OSBPL6: variants seen among roughly 807,000 people sequenced by gnomAD.
OSBPL6 encodes oxysterol-binding protein-related protein 6.
OSBPL6 carries 49 observed loss-of-function variants against 125.8 expected under a neutral mutation model. That is an observed-to-expected ratio of 0.39 (90% confidence interval 0.31 to 0.49). The LOEUF is 0.49. Among genes scored for constraint, OSBPL6 ranks in the 20% least tolerant of loss-of-function variants. The probability of loss-of-function intolerance (pLI) is 0.88; values close to 1 mark genes in which losing one functional copy is unlikely to be tolerated. For missense variants in OSBPL6, 986 were observed against 1,135.4 expected, an observed-to-expected ratio of 0.87 and a Z score of 1.89; for synonymous variants, 394 against 391.8, an observed-to-expected ratio of 1.01 and a Z score of -0.07.
At chr2:178,356,111 A>G (rs926782661) in intron 12 of OSBPL6, among the ~76,000 whole-genome samples, 31 of 152,218 alleles carry the variant, frequency 2.0e-4, no homozygotes, top group Admixed American at 1.8e-3. Context: ...TCTATTTATG[A>G]CAAATTCACA....
rs75129831 is a variant in OSBPL6 at position 178,290,929 on chromosome 2, G to C, written c.-156+5808G>C. The stretch of plus-strand genomic sequence containing the variant: ...GTCTTAATTTTTTAATTTTATATTT[G>C]TATCTTTTTTCTTTTACATTGAAAC... On this transcript the variant is annotated intron_variant, in intron 2 of 24. Transcript: ENST00000190611. Among the ~76,000 whole-genome samples, 1,117 of 151,812 alleles carry C rather than the reference G, an allele frequency of 7.4e-3. 7 individuals are homozygous for C. The highest frequency in any genetic ancestry group is 0.025 in the African/African-American group (1,035 of 41,424).
intron 1 of OSBPL6, among the ~76,000 whole-genome samples, chr2:178,243,409 G>A (rs1037399752): frequency 1.7e-4 from 26 of 152,066 alleles, no homozygotes; most frequent in Admixed American, 6.6e-5. Context: ...TCCCCTACTT[G>A]CCAACTAAGC....
chr2:178,361,875 G>T, intron 13 of OSBPL6, 60 bp downstream of exon 13: 1 of 1,591,486 alleles, frequency 6.3e-7, no homozygotes, highest in East Asian at 2.3e-5. Context: ...TAAGATGAAA[G>T]ATCAAAAGAT....
intron 20 of OSBPL6, 96 bp from the exon 21 acceptor site, chr2:178,388,913 A>G (rs1695170955): frequency 7.6e-7 from 1 of 1,313,330 alleles, no homozygotes; most frequent in Non-Finnish European, 1.0e-6. Flanking sequence ...AATGAGGGAA[A>G]AGGAAGCTTT....
At chr2:178,305,659 A>G (rs1310123783) in intron 2 of OSBPL6, among the ~76,000 whole-genome samples, 1 of 152,256 alleles carries the variant, frequency 6.6e-6, no homozygotes, top group East Asian at 1.9e-4. Context: ...AACTGAAGAC[A>G]AACATGGACC....
intron 11 of OSBPL6, among the ~76,000 whole-genome samples, chr2:178,347,318 C>T (rs573657974): frequency 6.6e-6 from 1 of 152,240 alleles, no homozygotes; most frequent in African/African-American, 2.4e-5. Flanking sequence ...CCATGATCCT[C>T]AACATATTAC....
chr2:178,388,472 C>T (rs1305725621), intron 20 of OSBPL6, among the ~76,000 whole-genome samples: 3 of 152,126 alleles, frequency 2.0e-5, no homozygotes, highest in Non-Finnish European at 4.4e-5. Context: ...TCCTGCCTTG[C>T]GTCCTGCCAC....
At chr2:178,325,035 G>C (rs1688575824) in intron 4 of OSBPL6, among the ~76,000 whole-genome samples, 1 of 152,200 alleles carries the variant, frequency 6.6e-6, no homozygotes, top group African/African-American at 2.4e-5. Flanking sequence ...ATGGGAGCCA[G>C]TGTTCCCTCC....
At chr2:178,304,112 GTC>G (rs1201255165) in intron 2 of OSBPL6, among the ~76,000 whole-genome samples, 2 of 152,172 alleles carry the variant, frequency 1.3e-5, no homozygotes, top group Non-Finnish European at 2.9e-5. Flanking sequence ...TTAGGGCCCT[GTC>G]TCTCTGCTCC....
intron 1 of OSBPL6, among the ~76,000 whole-genome samples, chr2:178,263,413 G>T (rs944856286): frequency 3.9e-5 from 6 of 152,218 alleles, no homozygotes; most frequent in Non-Finnish European, 8.8e-5. Context: ...GGAAGGCGGA[G>T]GTTGCAGTGA....
chr2:178,297,451 A>T (rs1685859030), intron 2 of OSBPL6, among the ~76,000 whole-genome samples: 1 of 152,196 alleles, frequency 6.6e-6, no homozygotes, highest in African/African-American at 2.4e-5. Context: ...TAGAAAAGAA[A>T]AAGAACTAAT....
At chr2:178,366,525 A>G (rs1692845186) in intron 13 of OSBPL6, among the ~76,000 whole-genome samples, 1 of 151,996 alleles carries the variant, frequency 6.6e-6, no homozygotes, top group Non-Finnish European at 1.5e-5. Context: ...TGAGAAAAGG[A>G]AAAAAAACAC....
upstream of OSBPL6, chr2:178,194,498 T>TCAC (rs1553516741): frequency 1.3e-3 from 190 of 151,846 alleles, no homozygotes; most frequent in African/African-American, 4.2e-3. Context: ...CGCAGCACGG[T>TCAC]CGCCGCCGCC....
chr2:178,389,301 TG>T (rs1313454117), intron 21 of OSBPL6, 148 bp downstream of exon 21: 1 of 804,616 alleles, frequency 1.2e-6, no homozygotes, highest in Non-Finnish European at 1.8e-6. Context: ...CAGAACAAAC[TG>T]ATAGAGTTTC....
chr2:178,382,424 C>A lies in OSBPL6; in HGVS notation c.1538C>A (p.Ser513Ter). ...GTATGTTCTTCCCTTCCTTAGGCTTCAGATGATGAGTCTTACATCAGTGAT... is the reference window on the plus strand; with the variant it reads ...GTATGTTCTTCCCTTCCTTAGGCTTAAGATGATGAGTCTTACATCAGTGAT... ...LSASSSENEA[S>*]DDESYISDVS... The change falls in exon 16 of 25, where the codon TCA becomes TAA. Residue 513 changes from serine to a stop codon, truncating the protein, a stop_gained. Coordinates refer to ENST00000190611, the MANE Select transcript of OSBPL6 (RefSeq NM_032523.4). LOFTEE classifies it high-confidence loss of function. The A allele has an allele frequency of 1.2e-6, 2 of 1,601,494 alleles. No homozygotes were observed. Among genetic ancestry groups the A allele is most frequent in the Non-Finnish European group, 1.7e-6 (2 of 1,172,764 alleles).
intron 2 of OSBPL6, 81 bp from the exon 3 acceptor site, chr2:178,305,949 A>G (rs928745232): frequency 1.3e-4 from 45 of 333,986 alleles, no homozygotes; most frequent in Non-Finnish European, 2.2e-4. Context: ...TCACTAACAC[A>G]AATTAATATT....
Position 178,373,998 on chromosome 2 carries a change from C to T in OSBPL6, c.1504C>T (p.Leu502Phe), listed in dbSNP as rs1461085769. The change falls in exon 15 of 25, where the codon CTC becomes TTC. Residue 502 changes from leucine (L) to phenylalanine (F), a missense_variant. Leu to Phe is a conservative substitution (Grantham distance 22, BLOSUM62 0). Coordinates refer to ENST00000190611, the MANE Select transcript of OSBPL6 (RefSeq NM_032523.4). ...TGAGTTCTTTGATGCCCAAGAGGTG[C>T]TCCTCTCTGCAAGTTCGTCAGAGAA... ...VSEFFDAQEV[L>F]LSASSSENEA... 1 of 1,614,096 alleles carries T rather than the reference C, an allele frequency of 6.2e-7. No homozygotes were observed. The highest frequency in any genetic ancestry group is 1.1e-5 in the South Asian group (1 of 91,080).
chr2:178,216,805 T>G (rs140886283), intron 1 of OSBPL6, among the ~76,000 whole-genome samples: 135 of 152,320 alleles, frequency 8.9e-4, no homozygotes, highest in Non-Finnish European at 9.1e-4. Context: ...TGAGGAGACA[T>G]CAGATGGATT....
At chr2:178,263,434 C>T (rs900601773) in intron 1 of OSBPL6, among the ~76,000 whole-genome samples, 3 of 152,136 alleles carry the variant, frequency 2.0e-5, no homozygotes, top group African/African-American at 4.8e-5. Flanking sequence ...GCTGAGATTG[C>T]ACCATTGCAC....
Sources: gnomAD v4.1 joint callset for allele counts (sites outside exome capture counted in the v4.1 genomes callset) on GRCh38, gnomAD v4.1.1 for gene constraint, MANE v1.5 for transcripts, NCBI Gene and HGNC (gene_info 2026-07-23, HGNC 2026-07-21) for gene names.